VPS45: variants seen among roughly 807,000 people sequenced by gnomAD.
VPS45 encodes vacuolar protein sorting-associated protein 45.
Under a neutral mutation model 75.9 loss-of-function variants are expected in VPS45, and 35 were observed. The observed-to-expected ratio is 0.46, with a 90% CI of 0.35 to 0.61. The LOEUF is 0.61. VPS45 is among the 20% of genes least tolerant of loss of function. The pLI, the probability that VPS45 is intolerant of heterozygous loss-of-function variation, is 0.00. For synonymous variants in VPS45, 220 were observed against 238.2 expected (o/e 0.92, Z 0.70); for missense variants, 559 against 685.9 (o/e 0.81, Z 2.07).
At chr1:150,077,589 G>A in intron 6 of VPS45, 80 bp from the exon 7 acceptor site, 1 of 979,366 alleles carries the variant, frequency 1.0e-6, no homozygotes, top group Non-Finnish European at 1.6e-6. Context: ...GTTAAATGTA[G>A]TGTTTATTAA....
Position 150,067,791 on chromosome 1 carries a change from G to A in VPS45, c.-67G>A. 1 of 1,533,520 alleles carries A rather than the reference G, an allele frequency of 6.5e-7. No individual in the cohort carries two copies. Among genetic ancestry groups the A allele is most frequent in the Non-Finnish European group, 9.0e-7 (1 of 1,110,850 alleles). The allele number at this position is 1,533,520 out of a possible 1,614,324, so 95.0% of individuals were successfully genotyped here. On this transcript the variant is annotated 5_prime_UTR_variant, in exon 1 of 15. Transcript: ENST00000644510. The stretch of plus-strand genomic sequence containing the variant: ...GGAAGCAGCTGAGACCCGGCCAACA[G>A]ACTGGGGGTTAATTTAGCCAGAAAA...
At position 150,082,706 on chromosome 1, in the gene VPS45, C is replaced by T. The variant is rs587634693; in HGVS notation, c.937-10C>T. 6.2e-7 allele frequency: 1 copy of T among 1,608,224 alleles called. No individual in the cohort carries two copies. Among genetic ancestry groups the T allele is most frequent in the African/African-American group, 1.3e-5 (1 of 74,742 alleles). On this transcript the variant is annotated splice_polypyrimidine_tract_variant and intron_variant, in intron 9 of 14. Transcript: ENST00000644510. ...AACAGAACCTCCCATTGATGTTTTT[C>T]CCATGGCAGGCGTTTGTTGAGAATT...
chr1:150,071,402 A>T (rs1210972678), intron 2 of VPS45, among the ~76,000 whole-genome samples: 1 of 152,330 alleles, frequency 6.6e-6, no homozygotes, highest in Non-Finnish European at 1.5e-5. Flanking sequence ...TTACATCCCA[A>T]TAAGTTAAAA....
At chr1:150,130,667 C>T (rs1406769736) in intron 14 of VPS45, among the ~76,000 whole-genome samples, 1 of 152,150 alleles carries the variant, frequency 6.6e-6, no homozygotes, top group East Asian at 1.9e-4. Context: ...TACTATATTA[C>T]AGGGGTTACC....
chr1:150,140,383 TCTG>T (rs1478668779), intron 14 of VPS45, among the ~76,000 whole-genome samples: 10 of 116,754 alleles, frequency 8.6e-5, no homozygotes, highest in East Asian at 2.2e-4. Context: ...TTCCATCACT[TCTG>T]GTGTGTGTGT....
intron 14 of VPS45, among the ~76,000 whole-genome samples, chr1:150,115,411 A>G (rs58856811): frequency 0.022 from 3,296 of 152,210 alleles, 96 homozygotes; most frequent in African/African-American, 0.074. Flanking sequence ...TTTTGTTAGT[A>G]TCCTCTTTTT....
chr1:150,118,760 T>G (rs1658080733), intron 14 of VPS45, among the ~76,000 whole-genome samples: 1 of 152,200 alleles, frequency 6.6e-6, no homozygotes, highest in South Asian at 2.1e-4. Flanking sequence ...TGCGAAGGCC[T>G]TATGCTAGAT....
At chr1:150,144,047 A>G (rs1415349596) in intron 14 of VPS45, among the ~76,000 whole-genome samples, 1 of 152,186 alleles carries the variant, frequency 6.6e-6, no homozygotes, top group Non-Finnish European at 1.5e-5. Context: ...CCATAAGTAA[A>G]AGAAAGGTTT....
intron 14 of VPS45, among the ~76,000 whole-genome samples, chr1:150,124,617 G>A (rs1286672357): frequency 3.0e-5 from 4 of 134,714 alleles, no homozygotes; most frequent in African/African-American, 5.5e-5. Context: ...GCACAATCCC[G>A]CCTCACTCCA....
chr1:150,068,149 C>T (rs1654830173), intron 1 of VPS45, 199 bp downstream of exon 1: 1 of 550,860 alleles, frequency 1.8e-6, no homozygotes, highest in South Asian at 2.6e-5. Flanking sequence ...CTAGAGACTA[C>T]TTCTACCCGG....
At chr1:150,079,345 T>C (rs1188832942) in intron 7 of VPS45, among the ~76,000 whole-genome samples, 3 of 152,168 alleles carry the variant, frequency 2.0e-5, no homozygotes, top group African/African-American at 7.2e-5. Context: ...GTCTCACCAG[T>C]GTTTTTTCTC....
chr1:150,088,379 T>C (rs1553801174), intron 10 of VPS45, among the ~76,000 whole-genome samples: 1 of 151,160 alleles, frequency 6.6e-6, no homozygotes, highest in African/African-American at 2.4e-5. Flanking sequence ...TCCTCCAGGT[T>C]AATCTGTTTT....
chr1:150,126,813 A>G (rs1328315692), intron 14 of VPS45, among the ~76,000 whole-genome samples: 1 of 152,198 alleles, frequency 6.6e-6, no homozygotes, highest in East Asian at 1.9e-4. Flanking sequence ...AAAAAACGTT[A>G]AAATTAGCCA....
intron 7 of VPS45, among the ~76,000 whole-genome samples, chr1:150,078,588 C>T (rs945211996): frequency 6.7e-5 from 10 of 149,936 alleles, no homozygotes; most frequent in Non-Finnish European, 1.2e-4. Context: ...GGTGAAGCCC[C>T]GTCTCTACTA....
chr1:150,101,594 C>G (rs1318531431), intron 13 of VPS45, among the ~76,000 whole-genome samples: 1 of 151,696 alleles, frequency 6.6e-6, no homozygotes, highest in Non-Finnish European at 1.5e-5. Flanking sequence ...ATTAGCCAGG[C>G]CTGGTGGCGC....
intron 13 of VPS45, among the ~76,000 whole-genome samples, chr1:150,097,086 C>CTT (rs1295290692): frequency 1.4e-5 from 2 of 141,146 alleles, no homozygotes; most frequent in Non-Finnish European, 1.5e-5. Flanking sequence ...TGTAACATTT[C>CTT]TTTCTTTTTT....
rs587736399 is a variant in VPS45, at chr1:150,134,841, C to T, written c.1626-9868C>T. On this transcript the variant is annotated intron_variant, in intron 14 of 14. Transcript: ENST00000644510. Reference sequence around the variant, plus strand: ...GTTATATTTTTTATTATTACTATTGCTCCTCTCAAGGAGAAACAAGAAGAA... The same window carrying T: ...GTTATATTTTTTATTATTACTATTGTTCCTCTCAAGGAGAAACAAGAAGAA... Among the ~76,000 whole-genome samples, 5 of 152,150 alleles carry T rather than the reference C, an allele frequency of 3.3e-5. No homozygotes were observed. In the East Asian group the frequency reaches 7.7e-4, roughly 23 times the overall value.
intron 14 of VPS45, among the ~76,000 whole-genome samples, chr1:150,133,271 C>T (rs1658916261): frequency 6.6e-6 from 1 of 152,098 alleles, no homozygotes; most frequent in African/African-American, 2.4e-5. Context: ...AGATGAAGGC[C>T]AGGCGTGGTG....
intron 7 of VPS45, among the ~76,000 whole-genome samples, chr1:150,079,708 G>A (rs1426010047): frequency 1.3e-5 from 2 of 152,234 alleles, no homozygotes; most frequent in South Asian, 2.1e-4. Flanking sequence ...CACCACGCCC[G>A]GCTGTGACTT....
Sources: gnomAD v4.1 joint callset for allele counts (sites outside exome capture counted in the v4.1 genomes callset) on GRCh38, gnomAD v4.1.1 for gene constraint, MANE v1.5 for transcripts, NCBI Gene and HGNC (gene_info 2026-07-23, HGNC 2026-07-21) for gene names.